KCND2: variants seen among roughly 807,000 people sequenced by gnomAD.
KCND2 encodes A-type voltage-gated potassium channel KCND2.
A neutral mutation model predicts 54.4 loss-of-function variants in KCND2; 16 were observed. The observed-to-expected ratio is 0.29, with a 90% CI of 0.20 to 0.45. KCND2 has a LOEUF of 0.45. Ranked by LOEUF, KCND2 falls within the 20% of genes least tolerant of loss-of-function variation. The pLI is 1.00. For synonymous variants in KCND2, 317 were observed against 310.7 expected, an observed-to-expected ratio of 1.02 and a Z score of -0.21; for missense variants, 486 against 824.2, an observed-to-expected ratio of 0.59 and a Z score of 5.02.
intron 1 of KCND2, among the ~76,000 whole-genome samples, chr7:120,724,488 C>G (rs1369260516): frequency 6.6e-6 from 1 of 152,148 alleles, no homozygotes; most frequent in African/African-American, 2.4e-5. Context: ...GTAGTACATT[C>G]CAGTAATAGA....
intron 1 of KCND2, among the ~76,000 whole-genome samples, chr7:120,563,103 G>T (rs568636119): frequency 4.1e-4 from 63 of 152,224 alleles, no homozygotes; most frequent in African/African-American, 1.5e-3. Flanking sequence ...GTTTATCATA[G>T]TTAGAGGTTC....
At chr7:120,715,066 A>T (rs1754450762) in intron 1 of KCND2, among the ~76,000 whole-genome samples, 1 of 152,030 alleles carries the variant, frequency 6.6e-6, no homozygotes. Flanking sequence ...ATTCACCTTC[A>T]TTAGAGAAAG....
At chr7:120,564,640 A>G (rs1189024687) in intron 1 of KCND2, among the ~76,000 whole-genome samples, 1 of 152,192 alleles carries the variant, frequency 6.6e-6, no homozygotes, top group Admixed American at 6.5e-5. Context: ...AAGGGAACAA[A>G]TCTGTGCTAT....
rs531011859 is a variant in KCND2, at chr7:120,499,676, CAA to C, written c.1115+223931_1115+223932del. On this transcript the variant is annotated intron_variant, in intron 1 of 5. Coordinates refer to ENST00000331113, the MANE Select transcript of KCND2 (RefSeq NM_012281.3). The stretch of plus-strand genomic sequence containing the variant: ...TCCAACATACACCCTTTCCTTAAAG[CAA>C]ATCCTACTTAACTTTCAAGATCCAG... Among the ~76,000 whole-genome samples, 5 of 152,194 alleles carry C rather than the reference CAA, an allele frequency of 3.3e-5. No homozygotes were observed. In the South Asian group the frequency reaches 1.0e-3, roughly 32 times the overall value.
At chr7:120,448,610 C>T (rs1316345578) in intron 1 of KCND2, among the ~76,000 whole-genome samples, 1 of 151,252 alleles carries the variant, frequency 6.6e-6, no homozygotes, top group African/African-American at 2.4e-5. Flanking sequence ...CTGGCAGAGA[C>T]ACAATAAAAA....
intron 1 of KCND2, among the ~76,000 whole-genome samples, chr7:120,677,245 A>G (rs1441333328): frequency 6.6e-6 from 1 of 152,214 alleles, no homozygotes; most frequent in Non-Finnish European, 1.5e-5. Context: ...AAAATCTGTG[A>G]ATAAATGGAA....
At chr7:120,420,092 C>T (rs564868611) in intron 1 of KCND2, among the ~76,000 whole-genome samples, 179 of 150,314 alleles carry the variant, frequency 1.2e-3, no homozygotes, top group African/African-American at 3.9e-3. Context: ...AAACCTGTTT[C>T]TTTTTTTTAA....
chr7:120,708,840 G>A (rs925414962), intron 1 of KCND2, among the ~76,000 whole-genome samples: 35 of 151,902 alleles, frequency 2.3e-4, no homozygotes, highest in African/African-American at 7.7e-4. Flanking sequence ...TTTGTTTATA[G>A]GTTTAATTTC....
At chr7:120,741,985 G>A (rs185620688) in intron 3 of KCND2, among the ~76,000 whole-genome samples, 10 of 152,120 alleles carry the variant, frequency 6.6e-5, no homozygotes, top group Admixed American at 4.6e-4. Flanking sequence ...TTTGGGTCAG[G>A]GGTTGGGGTG....
At chr7:120,397,993 GTGTATATATA>G (rs1368832451) in intron 1 of KCND2, among the ~76,000 whole-genome samples, 857 of 39,824 alleles carry the variant, frequency 0.022, 5 homozygotes, top group African/African-American at 0.04. Context: ...GTGTGTGTGT[GTGTATATATA>G]TATATATATA....
rs116752492 is a variant in KCND2, at chr7:120,524,670, T to A, written c.1116-208233T>A. ...GTCATTGATATTTTAGCTCAGGATA[T>A]ACTTTATTCACTCATTTTGGCAATT... On this transcript the variant is annotated intron_variant, in intron 1 of 5. Transcript: ENST00000331113. Among the ~76,000 whole-genome samples the A allele has an allele frequency of 7.9e-3, 1,208 of 152,328 alleles. 19 individuals carry two copies. The highest frequency in any genetic ancestry group is 0.028 in the African/African-American group (1,153 of 41,580).
At chr7:120,310,181 A>G (rs1311966103) in intron 1 of KCND2, among the ~76,000 whole-genome samples, 1 of 152,162 alleles carries the variant, frequency 6.6e-6, no homozygotes, top group Non-Finnish European at 1.5e-5. Flanking sequence ...GTAACACACA[A>G]TGTTAATTTT....
intron 1 of KCND2, among the ~76,000 whole-genome samples, chr7:120,573,430 C>T (rs773580888): frequency 6.6e-6 from 1 of 152,088 alleles, no homozygotes; most frequent in Non-Finnish European, 1.5e-5. Flanking sequence ...TTAGCCCATC[C>T]GAAGTTTCTA....
intron 1 of KCND2, among the ~76,000 whole-genome samples, chr7:120,281,128 A>G (rs1268245357): frequency 6.6e-6 from 1 of 152,158 alleles, no homozygotes; most frequent in East Asian, 1.9e-4. Context: ...ATTTCCTGAA[A>G]GAGTTGGCCT....
chr7:120,475,578 G>A (rs928640138), intron 1 of KCND2, among the ~76,000 whole-genome samples: 11 of 152,048 alleles, frequency 7.2e-5, no homozygotes, highest in Admixed American at 5.9e-4. Flanking sequence ...TTTTACAGAC[G>A]AAAACAGGTT....
intron 1 of KCND2, among the ~76,000 whole-genome samples, chr7:120,290,894 T>C (rs1183067285): frequency 1.3e-5 from 2 of 151,762 alleles, no homozygotes; most frequent in Non-Finnish European, 2.9e-5. Context: ...TAGAAGAAAA[T>C]TTTCTTACCT....
intron 1 of KCND2, among the ~76,000 whole-genome samples, chr7:120,416,340 C>A (rs1273623336): frequency 6.6e-6 from 1 of 152,148 alleles, no homozygotes; most frequent in Non-Finnish European, 1.5e-5. Flanking sequence ...TTCAAGGGCA[C>A]CCCTACTCAC....
At chr7:120,557,579 G>C (rs1792180469) in intron 1 of KCND2, among the ~76,000 whole-genome samples, 1 of 151,880 alleles carries the variant, frequency 6.6e-6, no homozygotes, top group Admixed American at 6.6e-5. Context: ...CTTTTCCAAG[G>C]AGTTCTCCCT....
At chr7:120,444,345 A>G (rs550351446) in intron 1 of KCND2, among the ~76,000 whole-genome samples, 21 of 152,270 alleles carry the variant, frequency 1.4e-4, no homozygotes, top group Admixed American at 6.5e-5. Context: ...GTTAGTACTT[A>G]GCTTTCAGCT....
Sources: allele counts gnomAD v4.1 joint callset (sites outside exome capture counted in the v4.1 genomes callset), GRCh38; gene constraint gnomAD v4.1.1; transcripts MANE v1.5; gene names NCBI Gene and HGNC (gene_info 2026-07-23, HGNC 2026-07-21).